RMDN2: variants seen among roughly 807,000 people sequenced by gnomAD.
RMDN2 encodes the protein regulator of microtubule dynamics protein 2.
RMDN2 carries 61 observed loss-of-function variants against 52.8 expected under a neutral mutation model. The ratio of observed to expected loss-of-function variants is 1.16; its 90% CI spans 0.94 to 1.43. The LOEUF (loss-of-function observed/expected upper bound fraction) is 1.43. Among genes scored for constraint, RMDN2 ranks in the 40% most tolerant of loss-of-function variants. RMDN2 has a pLI of 0.00. For synonymous variants in RMDN2, 180 were observed against 153.1 expected (o/e 1.18, Z -1.30); for missense variants, 592 against 475.3 (o/e 1.25, Z -2.28).
At chr2:37,924,070 T>C (rs752506571), upstream of RMDN2, among the ~76,000 whole-genome samples, 9 of 152,100 alleles carry the variant, frequency 5.9e-5, no homozygotes, top group South Asian at 4.1e-4. Context: ...TTTAATAAAA[T>C]GACCATGGCC....
chr2:37,972,767 G>A (rs1437232959), intron 2 of RMDN2, among the ~76,000 whole-genome samples: 2 of 152,124 alleles, frequency 1.3e-5, no homozygotes, highest in Non-Finnish European at 2.9e-5. Context: ...GTATTTTGAC[G>A]ATAGAACCAG....
chr2:37,936,622 T>C (rs922637468), intron 2 of RMDN2, among the ~76,000 whole-genome samples: 2 of 152,258 alleles, frequency 1.3e-5, no homozygotes, highest in Non-Finnish European at 2.9e-5. Flanking sequence ...GTGGTTTTGA[T>C]TTGCACTTCT....
At chr2:38,011,367 T>C (rs1677963508) in intron 10 of RMDN2, among the ~76,000 whole-genome samples, 1 of 152,198 alleles carries the variant, frequency 6.6e-6, no homozygotes, top group South Asian at 2.1e-4. Flanking sequence ...CTGTGAGCTG[T>C]TGACTGGTGT....
chr2:38,015,753 A>G (rs1678680262), intron 10 of RMDN2, among the ~76,000 whole-genome samples: 1 of 152,212 alleles, frequency 6.6e-6, no homozygotes, highest in African/African-American at 2.4e-5. Context: ...ACTTCCGTGT[A>G]GAATATCTAC....
At chr2:38,034,514 C>G (rs942194975) in intron 10 of RMDN2, among the ~76,000 whole-genome samples, 1 of 152,098 alleles carries the variant, frequency 6.6e-6, no homozygotes, top group Non-Finnish European at 1.5e-5. Flanking sequence ...ATAAGATAAA[C>G]AGTATCCCTA....
intron 4 of RMDN2, among the ~76,000 whole-genome samples, chr2:37,978,074 CT>C (rs1672779470): frequency 6.6e-6 from 1 of 152,172 alleles, no homozygotes; most frequent in Admixed American, 6.5e-5. Context: ...ATCCCGACAC[CT>C]CGGGAGGCCG....
intron 2 of RMDN2, chr2:37,951,096 C>A: frequency 1.2e-6 from 1 of 812,712 alleles, no homozygotes; most frequent in Non-Finnish European, 1.9e-6. Context: ...TTCTTATTCC[C>A]TGCTGTTTTC....
At chr2:38,002,211 A>G (rs143176255) in intron 8 of RMDN2, among the ~76,000 whole-genome samples, 42 of 152,292 alleles carry the variant, frequency 2.8e-4, no homozygotes, top group Non-Finnish European at 1.9e-4. Flanking sequence ...ATTAGTATCT[A>G]TCTTTAAAAA....
intron 2 of RMDN2, among the ~76,000 whole-genome samples, chr2:37,956,633 A>G (rs754124746): frequency 6.6e-6 from 1 of 151,264 alleles, no homozygotes; most frequent in Non-Finnish European, 1.5e-5. Flanking sequence ...TTGATTCGGG[A>G]CATTACCTTC....
At chr2:37,951,394 C>T in intron 2 of RMDN2, 1 of 1,613,092 alleles carries the variant, frequency 6.2e-7, no homozygotes, top group Non-Finnish European at 8.5e-7. Context: ...GCAGCCAAAG[C>T]AAGTAGAAGG....
chr2:38,004,297 C>A, intron 10 of RMDN2, 81 bp downstream of exon 10: 3 of 905,600 alleles, frequency 3.3e-6, no homozygotes, highest in South Asian at 1.5e-5. Flanking sequence ...CGCTTAGATA[C>A]ATTTGTAGTT....
intron 10 of RMDN2, chr2:38,012,462 C>T (rs1363380195): frequency 1.3e-5 from 5 of 380,660 alleles, no homozygotes; most frequent in South Asian, 2.2e-5. Context: ...GCATTAATAT[C>T]GTACAAATAA....
intron 10 of RMDN2, among the ~76,000 whole-genome samples, chr2:38,046,110 C>G (rs926475237): frequency 7.2e-5 from 11 of 152,226 alleles, no homozygotes; most frequent in African/African-American, 2.7e-4. Context: ...ATGGCCCTAG[C>G]TATTCACATA....
intron 10 of RMDN2, chr2:38,027,955 TTAAAACATCCCAGATA>T (rs1190930766): frequency 1.3e-5 from 2 of 152,188 alleles, no homozygotes; most frequent in Non-Finnish European, 2.9e-5. Context: ...GTCCTGATCT[TTAAAACATCCCAGATA>T]TAATGATAGT....
At chr2:38,021,266 G>A (rs142019725), downstream of RMDN2, among the ~76,000 whole-genome samples, 1,557 of 152,222 alleles carry the variant, frequency 0.01, 24 homozygotes, top group African/African-American at 0.035. Flanking sequence ...GGACCAATCA[G>A]CTCTCTGTAA....
In RMDN2 at chr2:38,017,513, C is replaced by A; in HGVS notation, c.*274C>A. On this transcript the variant is annotated 3_prime_UTR_variant, in exon 11 of 11. Coordinates refer to ENST00000354545, the MANE Select transcript of RMDN2 (RefSeq NM_001170791.3). ...ATAAACTGCAGCCTTAAGAATATTT[C>A]TTTAAATAAAATATTTAAATCCAAT... 9.1e-7 allele frequency: 1 copy of A among 1,094,308 alleles called. No homozygotes were observed. The highest frequency in any genetic ancestry group is 1.2e-6 in the Non-Finnish European group (1 of 823,882). 67.8% of individuals were successfully genotyped at this position (1,094,308 alleles called of 1,614,324 possible).
intron 2 of RMDN2, among the ~76,000 whole-genome samples, chr2:37,948,113 G>A (rs1192741488): frequency 6.6e-6 from 1 of 152,212 alleles, no homozygotes; most frequent in Non-Finnish European, 1.5e-5. Context: ...CTGTGGACCA[G>A]CAACATCAGC....
chr2:37,982,391 C>A (rs547256189), intron 5 of RMDN2, among the ~76,000 whole-genome samples: 1 of 152,268 alleles, frequency 6.6e-6, no homozygotes, highest in Admixed American at 6.5e-5. Context: ...TATGAATAGA[C>A]TTTTTGATGC....
At chr2:37,976,950 A>G (rs945737176) in intron 4 of RMDN2, among the ~76,000 whole-genome samples, 105 of 152,032 alleles carry the variant, frequency 6.9e-4, no homozygotes, top group African/African-American at 2.5e-3. Flanking sequence ...GCAGATAAAC[A>G]TGTGAACAAA....
Sources: allele counts gnomAD v4.1 joint callset (sites outside exome capture counted in the v4.1 genomes callset), GRCh38; gene constraint gnomAD v4.1.1; transcripts MANE v1.5; gene names NCBI Gene and HGNC (gene_info 2026-07-23, HGNC 2026-07-21).